Variants in TXNRD3 observed in about 807,000 individuals in gnomAD.
TXNRD3 encodes TXNRD3 neighbor gene protein.
Under a neutral mutation model 78.2 loss-of-function variants are expected in TXNRD3, and 68 were observed. The ratio of observed to expected loss-of-function variants is 0.87; its 90% CI spans 0.72 to 1.06. The LOEUF (loss-of-function observed/expected upper bound fraction) is 1.06, where lower values mean the gene tolerates loss of function less well. Ranked by LOEUF, TXNRD3 falls within the 50% of genes least tolerant of loss-of-function variation. The pLI is 0.00. For missense variants in TXNRD3, 751 were observed against 809.5 expected (o/e 0.93, Z 0.88); for synonymous variants, 296 against 300.1 (o/e 0.99, Z 0.14).
intron 12 of TXNRD3, among the ~76,000 whole-genome samples, chr3:126,621,062 G>A (rs1225762780): frequency 6.6e-6 from 1 of 152,270 alleles, no homozygotes; most frequent in East Asian, 1.9e-4. Context: ...AAGCACTACA[G>A]GTCTCTGCGT....
At chr3:126,644,217 G>T in intron 4 of TXNRD3, 80 bp downstream of exon 4, 2 of 1,355,238 alleles carry the variant, frequency 1.5e-6, no homozygotes, top group Middle Eastern at 1.8e-4. Context: ...ACATTAGTTT[G>T]TTTTTTTTTA....
chr3:126,626,336 A>G (rs1938578621), intron 10 of TXNRD3, among the ~76,000 whole-genome samples: 1 of 152,240 alleles, frequency 6.6e-6, no homozygotes, highest in Non-Finnish European at 1.5e-5. Context: ...TGTTAACCCA[A>G]AGATACTACT....
intron 6 of TXNRD3, 125 bp from the exon 7 acceptor site, chr3:126,634,176 T>A: frequency 1.2e-6 from 1 of 821,184 alleles, no homozygotes; most frequent in Non-Finnish European, 1.7e-6. Context: ...ATCAGTAACT[T>A]AAATATTTTG....
chr3:126,615,517 C>T (rs1232963029), intron 12 of TXNRD3, 55 bp from the exon 13 acceptor site: 1 of 875,470 alleles, frequency 1.1e-6, no homozygotes, highest in East Asian at 2.7e-5. Flanking sequence ...TAGCAAAAAT[C>T]TATATTGCAT....
intron 13 of TXNRD3, 65 bp from the exon 14 acceptor site, chr3:126,611,197 C>T: frequency 9.7e-7 from 1 of 1,034,402 alleles, no homozygotes. Context: ...TTGATAGGCT[C>T]TTTAATTCTA....
chr3:126,645,506 A>T (rs908175912), intron 3 of TXNRD3, among the ~76,000 whole-genome samples: 4 of 152,188 alleles, frequency 2.6e-5, no homozygotes, highest in Non-Finnish European at 5.9e-5. Flanking sequence ...CCACAAAAAT[A>T]TAATTCTTAA....
chr3:126,638,742 A>G (rs2107623024), intron 6 of TXNRD3, among the ~76,000 whole-genome samples: 1 of 152,328 alleles, frequency 6.6e-6, no homozygotes, highest in South Asian at 2.1e-4. Flanking sequence ...TGTCTCAAAA[A>G]AAAGAAAAAA....
chr3:126,635,057 A>G (rs562241547), intron 6 of TXNRD3, among the ~76,000 whole-genome samples: 1 of 151,880 alleles, frequency 6.6e-6, no homozygotes, highest in East Asian at 1.9e-4. Flanking sequence ...ATCCTCCCAC[A>G]CCCTGTGATG....
intron 1 of TXNRD3, among the ~76,000 whole-genome samples, chr3:126,648,145 T>C (rs961453704): frequency 3.3e-5 from 5 of 152,112 alleles, no homozygotes; most frequent in African/African-American, 1.2e-4. Context: ...AAGAACTAAA[T>C]ACTTAGGAAG....
At chr3:126,640,780 C>A (rs961936946) in intron 6 of TXNRD3, among the ~76,000 whole-genome samples, 1 of 152,026 alleles carries the variant, frequency 6.6e-6, no homozygotes, top group Admixed American at 6.6e-5. Flanking sequence ...CTTGCCCCCA[C>A]TTCCCTATCC....
intron 10 of TXNRD3, among the ~76,000 whole-genome samples, chr3:126,623,875 A>C: frequency 6.6e-6 from 1 of 150,906 alleles, no homozygotes. Context: ...AAAAAAGATT[A>C]AAAGCATGCA....
intron 12 of TXNRD3, among the ~76,000 whole-genome samples, chr3:126,617,833 G>T (rs1938352499): frequency 6.6e-6 from 1 of 152,114 alleles, no homozygotes; most frequent in Admixed American, 6.5e-5. Context: ...AAAACCTAAA[G>T]ATTCCACCAA....
At chr3:126,622,673 C>A in intron 10 of TXNRD3, 133 bp from the exon 11 acceptor site, 3 of 663,458 alleles carry the variant, frequency 4.5e-6, no homozygotes, top group Non-Finnish European at 2.4e-6. Context: ...ATAAAGCTGA[C>A]AGCTTAAGGT....
intron 8 of TXNRD3, 149 bp from the exon 9 acceptor site, chr3:126,631,086 G>T: frequency 1.2e-6 from 1 of 805,252 alleles, no homozygotes. Context: ...AATTGAGTCT[G>T]CTGTGGAGAG....
intron 14 of TXNRD3, among the ~76,000 whole-genome samples, chr3:126,610,570 C>T (rs1938177220): frequency 6.6e-6 from 1 of 152,208 alleles, no homozygotes. Context: ...CATCTAAAGA[C>T]TTTTGACACA....
intron 5 of TXNRD3, 127 bp downstream of exon 5, chr3:126,643,854 C>T (rs537723427): frequency 2.1e-5 from 19 of 913,442 alleles, no homozygotes; most frequent in Admixed American, 3.2e-5. Flanking sequence ...CCTAGACTCG[C>T]TTGTTTTCTT....
chr3:126,619,984 C>T (rs1938411630), intron 12 of TXNRD3, among the ~76,000 whole-genome samples: 1 of 152,156 alleles, frequency 6.6e-6, no homozygotes. Flanking sequence ...GCCACATGTA[C>T]TGTGCAAATC....
At position 126,630,731 on chromosome 3, in the gene TXNRD3, C is replaced by T. The variant is rs999972397; in HGVS notation, c.1178G>A (p.Arg393Gln). ...CCTTACCATCACAGGTATGAATTTC[C>T]GTAGGAACTTCACACCATGCTGCTC... is the stretch of plus-strand genomic sequence containing the variant. The change falls in exon 9 of 16, where the codon CGG becomes CAG. Residue 393 changes from arginine (R) to glutamine (Q), a missense_variant. Transcript: ENST00000524230. 39 of 1,534,054 alleles carry T rather than the reference C, an allele frequency of 2.5e-5. No individual in the cohort carries two copies. Among genetic ancestry groups the T allele is most frequent in the Non-Finnish European group, 3.0e-5 (34 of 1,146,820 alleles).
chr3:126,648,551 G>A (rs570479738), intron 1 of TXNRD3, among the ~76,000 whole-genome samples: 2 of 152,298 alleles, frequency 1.3e-5, no homozygotes, highest in East Asian at 3.9e-4. Flanking sequence ...CACATATACA[G>A]GGAAATGATT....
Sources: gnomAD v4.1 joint callset for allele counts (sites outside exome capture counted in the v4.1 genomes callset) on GRCh38, gnomAD v4.1.1 for gene constraint, MANE v1.5 for transcripts, NCBI Gene and HGNC (gene_info 2026-07-23, HGNC 2026-07-21) for gene names.